The following EIF4A1 variants were observed in gnomAD, a reference collection of about 807,000 sequenced individuals.
EIF4A1 encodes eukaryotic initiation factor 4A-I.
In EIF4A1, 11 loss-of-function variants were observed where a neutral mutation model predicts 53.5. That is an observed-to-expected ratio of 0.21 (90% CI 0.13 to 0.34). EIF4A1 has a LOEUF of 0.34. EIF4A1 is among the 10% of genes least tolerant of loss of function. The pLI is 1.00. For synonymous variants in EIF4A1, 237 were observed against 186.7 expected (o/e 1.27, Z -2.20); for missense variants, 213 against 530.8 (o/e 0.40, Z 5.88).
Position 7,577,013 on chromosome 17 carries a change from C to G in EIF4A1, c.515-43C>G. On this transcript the variant is annotated intron_variant, in intron 5 of 10. Transcript: ENST00000293831. This position sits in a 1 kb window ranked among gnomAD's most constrained non-coding sequence, Gnocchi z 4.7. ...AGTTGGATATATCTCTCCCACATTT[C>G]CCTAATCATATGCTATATATTGGCT... The G allele has an allele frequency of 6.2e-7, 1 of 1,606,460 alleles. No individual in the cohort carries two copies. The highest frequency in any genetic ancestry group is 8.5e-7 in the Non-Finnish European group (1 of 1,173,584).
intron 4 of EIF4A1, among the ~76,000 whole-genome samples, 167 bp from the exon 5 acceptor site, chr17:7,576,357 C>T (rs1176455004): frequency 2.6e-5 from 4 of 152,208 alleles, no homozygotes; most frequent in Admixed American, 6.5e-5. Flanking sequence ...ATTGACAGCA[C>T]GATCTTAAGT....
chr17:7,577,730 G>C lies in EIF4A1; in HGVS notation c.906+24G>C, dbSNP rs770174559. On this transcript the variant is annotated intron_variant, in intron 8 of 10. Coordinates refer to ENST00000293831, the MANE Select transcript of EIF4A1 (RefSeq NM_001416.4). This position sits in a 1 kb window ranked among gnomAD's most constrained non-coding sequence, Gnocchi z 4.7. ...TGGTGTGTTTGCCCGCTGCCAGCCT[G>C]TTGTGGGTCTGCCCGTCAGAAGTGT... 2 of 1,613,786 alleles carry C rather than the reference G, an allele frequency of 1.2e-6. No homozygotes were observed. Among genetic ancestry groups the C allele is most frequent in the South Asian group, 1.1e-5 (1 of 91,064 alleles).
Position 7,577,589 on chromosome 17 carries a change from A to T in EIF4A1, c.789A>T (p.Leu263=), listed in dbSNP as rs540578884. 1.9e-6 allele frequency: 3 copies of T among 1,613,680 alleles called. No homozygotes were observed. Among genetic ancestry groups the T allele is most frequent in the Non-Finnish European group, 8.5e-7 (1 of 1,179,844 alleles). The change falls in exon 8 of 11, where the codon CTA becomes CTT. Residue 263 remains leucine (L), a synonymous_variant. Coordinates refer to ENST00000293831, the MANE Select transcript of EIF4A1 (RefSeq NM_001416.4). The surrounding 1 kb of genome is among the most constrained non-coding windows in gnomAD (Gnocchi z 4.7). The part of the protein sequence containing the change: ...VEREEWKLDT[L]CDLYETLTIT... ...TCCAGGAGTGGAAGCTGGACACACT[A>T]TGTGACTTGTATGAAACCCTGACCA...
At chr17:7,576,299 CTG>C (rs1312940520) in intron 4 of EIF4A1, 2 of 468,602 alleles carry the variant, frequency 4.3e-6, no homozygotes. Context: ...TTGTGAATCA[CTG>C]TACACTCAGG....
At chr17:7,574,474 T>G in intron 2 of EIF4A1, 72 bp from the exon 3 acceptor site, 1 of 1,605,012 alleles carries the variant, frequency 6.2e-7, no homozygotes. Flanking sequence ...CACCAGATTC[T>G]GTTTGCTCGG....
Position 7,574,489 on chromosome 17 carries a change from T to A in EIF4A1, c.73-57T>A, listed in dbSNP as rs1235920761. 20 of 1,610,560 alleles carry A rather than the reference T, an allele frequency of 1.2e-5. No individual in the cohort carries two copies. In the East Asian group the frequency reaches 4.2e-4, roughly 34 times the overall value. On this transcript the variant is annotated intron_variant, in intron 2 of 10. Coordinates refer to ENST00000293831, the MANE Select transcript of EIF4A1 (RefSeq NM_001416.4). ...CACCAGATTCTGTTTGCTCGGAGAC[T>A]ACAGCTCAGCTCCACCTTTTCCATG...
chr17:7,573,037 A>G (rs796938099), intron 1 of EIF4A1, among the ~76,000 whole-genome samples, 173 bp downstream of exon 1: 34 of 152,192 alleles, frequency 2.2e-4, no homozygotes, highest in African/African-American at 7.2e-4. Flanking sequence ...CGCGGCCACC[A>G]GGTCGAGGCG....
chr17:7,578,281 C>T, intron 10 of EIF4A1, 37 bp downstream of exon 10: 5 of 1,614,026 alleles, frequency 3.1e-6, no homozygotes, highest in South Asian at 1.1e-5. Flanking sequence ...TACCCCTTCA[C>T]ACCTGGCCCT....
chr17:7,578,517 G>T lies in EIF4A1; in HGVS notation c.*31G>T. The T allele has an allele frequency of 6.5e-7, 1 of 1,547,480 alleles. No individual in the cohort carries two copies. The highest frequency in any genetic ancestry group is 1.4e-5 in the African/African-American group (1 of 73,184). On this transcript the variant is annotated 3_prime_UTR_variant, in exon 11 of 11. Transcript: ENST00000293831. ...TGTCCTGCCACCCAGCCCCAGCCAG[G>T]GCTCAATCTCTGGGGGCTGAGGAGC... is the stretch of plus-strand genomic sequence containing the variant.
Position 7,578,518 on chromosome 17 carries a change from G to C in EIF4A1, c.*32G>C, listed in dbSNP as rs2071433787. ...GTCCTGCCACCCAGCCCCAGCCAGG[G>C]CTCAATCTCTGGGGGCTGAGGAGCA... On this transcript the variant is annotated 3_prime_UTR_variant, in exon 11 of 11. Transcript: ENST00000293831. 6.5e-7 allele frequency: 1 copy of C among 1,546,090 alleles called. No individual in the cohort carries two copies. Among genetic ancestry groups the C allele is most frequent in the Non-Finnish European group, 8.7e-7 (1 of 1,144,520 alleles).
At chr17:7,575,354 A>T in intron 4 of EIF4A1, 96 bp downstream of exon 4, 1 of 1,560,880 alleles carries the variant, frequency 6.4e-7, no homozygotes, top group South Asian at 1.1e-5. Context: ...CCACCTTGGG[A>T]GGAAGACATG....
At chr17:7,577,000 C>T (rs748912261) in intron 5 of EIF4A1, 56 bp from the exon 6 acceptor site, 1 of 1,591,386 alleles carries the variant, frequency 6.3e-7, no homozygotes, top group South Asian at 1.1e-5. Context: ...TTGGATATAT[C>T]TCTCCCACAT....
intron 3 of EIF4A1, chr17:7,574,911 C>A (rs1366034062): frequency 2.0e-6 from 2 of 1,019,608 alleles, no homozygotes; most frequent in Admixed American, 1.7e-5. Context: ...TGTTTCTAGT[C>A]CAGCTTGGTG....
chr17:7,577,564 T>C lies in EIF4A1; in HGVS notation c.769-5T>C. The C allele has an allele frequency of 6.2e-7, 1 of 1,613,270 alleles. No individual in the cohort carries two copies. Among genetic ancestry groups the C allele is most frequent in the Non-Finnish European group, 8.5e-7 (1 of 1,179,462 alleles). ...CCTGACTGATTTTTGTCCCCCAACC[T>C]CCAGGAGTGGAAGCTGGACACACTA... On this transcript the variant is annotated splice_region_variant and splice_polypyrimidine_tract_variant and intron_variant, in intron 7 of 10. Transcript: ENST00000293831. This position sits in a 1 kb window ranked among gnomAD's most constrained non-coding sequence, Gnocchi z 4.7.
At chr17:7,576,434 T>C in intron 4 of EIF4A1, 90 bp from the exon 5 acceptor site, 3 of 1,465,872 alleles carry the variant, frequency 2.0e-6, no homozygotes, top group African/African-American at 2.8e-5. Flanking sequence ...CCCAAAGTTG[T>C]TGGTTAGGAA....
intron 4 of EIF4A1, 34 bp from the exon 5 acceptor site, chr17:7,576,490 A>G (rs2150926323): frequency 6.5e-7 from 1 of 1,526,802 alleles, no homozygotes; most frequent in Non-Finnish European, 8.8e-7. Context: ...CACAGTGGTA[A>G]CTGACATATG....
intron 5 of EIF4A1, 61 bp from the exon 6 acceptor site, chr17:7,576,995 T>A (rs1430079050): frequency 6.3e-7 from 1 of 1,583,738 alleles, no homozygotes; most frequent in Non-Finnish European, 8.7e-7. Flanking sequence ...CGAAGTTGGA[T>A]ATATCTCTCC....
Position 7,574,324 on chromosome 17 carries a change from T to G in EIF4A1, c.72+16T>G. On this transcript the variant is annotated intron_variant, in intron 2 of 10. Transcript: ENST00000293831. ...CGTCATCGAGGTGAGACTGGAGAAATGGAATTCTGTCCTCCCCCATTACAA... is the reference window on the plus strand; with the variant it reads ...CGTCATCGAGGTGAGACTGGAGAAAGGGAATTCTGTCCTCCCCCATTACAA... 6.2e-7 allele frequency: 1 copy of G among 1,614,094 alleles called. No individual in the cohort carries two copies. The highest frequency in any genetic ancestry group is 8.5e-7 in the Non-Finnish European group (1 of 1,180,028).
chr17:7,577,537 C>G lies in EIF4A1; in HGVS notation c.769-32C>G, dbSNP rs758447237. 2.5e-6 allele frequency: 4 copies of G among 1,612,712 alleles called. No homozygotes were observed. The highest frequency in any genetic ancestry group is 3.4e-6 in the Non-Finnish European group (4 of 1,179,180). The stretch of plus-strand genomic sequence containing the variant: ...CCTGGTAGTGAGTTGTTGGGTATAG[C>G]CCCTGACTGATTTTTGTCCCCCAAC... On this transcript the variant is annotated intron_variant, in intron 7 of 10. Transcript: ENST00000293831. The surrounding 1 kb of genome is among the most constrained non-coding windows in gnomAD (Gnocchi z 4.7).
Sources: allele counts gnomAD v4.1 joint callset (sites outside exome capture counted in the v4.1 genomes callset), GRCh38; gene constraint gnomAD v4.1.1; non-coding constraint Gnocchi (gnomAD v3.1); transcripts MANE v1.5; gene names NCBI Gene and HGNC (gene_info 2026-07-23, HGNC 2026-07-21).